The following NTN5 variants were observed in gnomAD, a reference collection of about 807,000 sequenced individuals.
NTN5 encodes netrin-5.
In NTN5, 42 loss-of-function variants were observed where a neutral mutation model predicts 38.7. That is an observed-to-expected ratio of 1.08 (90% CI 0.85 to 1.40). The LOEUF (loss-of-function observed/expected upper bound fraction) is 1.40, where lower values mean the gene tolerates loss of function less well. Among genes scored for constraint, NTN5 ranks in the 40% most tolerant of loss-of-function variants. The pLI is 0.00. For synonymous variants in NTN5, 329 were observed against 303.9 expected, an observed-to-expected ratio of 1.08 and a Z score of -0.86; for missense variants, 658 against 716.5, an observed-to-expected ratio of 0.92 and a Z score of 0.93.
chr19:48,672,769 G>A (rs547065015), intron 1 of NTN5, among the ~76,000 whole-genome samples, 163 bp downstream of exon 1: 1 of 152,204 alleles, frequency 6.6e-6, no homozygotes, highest in South Asian at 2.1e-4. Context: ...GGCCCACAGA[G>A]AGCCCATACC....
rs754482966 is a variant in NTN5, at chr19:48,670,614, A to C, written c.373T>G (p.Ser125Ala). The change falls in exon 2 of 7, where the codon TCC becomes GCC. Residue 125 changes from serine to alanine, a missense_variant. Transcript: ENST00000270235. The part of the protein sequence containing the change: ...LGGPERVTFH[S>A]TPGPKATVAA... ...ACAGTGGCCTTAGGACCTGGTGTGG[A>C]GTGGAAGGTCACCCTTTCAGGGCCC... The C allele has an allele frequency of 1.3e-6, 2 of 1,597,370 alleles. No homozygotes were observed. Among genetic ancestry groups the C allele is most frequent in the African/African-American group, 2.7e-5 (2 of 74,554 alleles).
intron 2 of NTN5, among the ~76,000 whole-genome samples, chr19:48,669,780 ACAC>A (rs2031876034): frequency 2.5e-5 from 1 of 40,106 alleles, no homozygotes; most frequent in South Asian, 9.2e-4. Flanking sequence ...CATCACCATC[ACAC>A]CACCACCATC....
In NTN5 at chr19:48,661,839, C is replaced by A; in HGVS notation, c.1308G>T (p.Val436=). Residue 436 remains valine, a synonymous_variant, in exon 7 of 7, where the codon GTG becomes GTT. Coordinates refer to ENST00000270235, the MANE Select transcript of NTN5 (RefSeq NM_145807.4). ...TGAGGCGCGTGGGGTCGGGGTCGCC[C>A]ACGGCGCTGCCCAGCAGCAGGTAGT... ...GTDYLLLGSA[V]GDPDPTRLIL... 7.5e-7 allele frequency: 1 copy of A among 1,333,800 alleles called. No homozygotes were observed. Among genetic ancestry groups the A allele is most frequent in the South Asian group, 1.7e-5 (1 of 59,320 alleles). 82.6% of individuals were successfully genotyped at this position (1,333,800 alleles called of 1,614,324 possible).
chr19:48,669,789 CCAT>C (rs2031877092), intron 2 of NTN5, among the ~76,000 whole-genome samples: 1 of 97,114 alleles, frequency 1.0e-5, no homozygotes, highest in South Asian at 4.0e-4. Context: ...CACACCACCA[CCAT>C]CACCATCACC....
chr19:48,664,762 A>T lies in NTN5; in HGVS notation c.637T>A (p.Ser213Thr). 6.4e-7 allele frequency: 1 copy of T among 1,553,882 alleles called. No homozygotes were observed. The part of the protein sequence containing the change: ...PRHPHPCLPC[S>T]CNQHARRCRF... The stretch of plus-strand genomic sequence containing the variant: ...CAGCGTCGGGCGTGCTGGTTGCAGG[A>T]GCAGGCTAGGAGCAAAATGGGGTGG... The change falls in exon 3 of 7, where the codon TCC becomes ACC. Residue 213 changes from serine to threonine, a missense_variant. Ser to Thr is a moderately conservative substitution (Grantham distance 58, BLOSUM62 1). Coordinates refer to ENST00000270235, the MANE Select transcript of NTN5 (RefSeq NM_145807.4).
At chr19:48,663,012 C>A (rs2031589206) in intron 6 of NTN5, 2 of 350,442 alleles carry the variant, frequency 5.7e-6, no homozygotes, top group Admixed American at 7.4e-5. Context: ...GGTCATAGAC[C>A]CCAAGGTCAT....
chr19:48,665,647 C>T lies in NTN5; in HGVS notation c.632-880G>A, dbSNP rs182744287. On this transcript the variant is annotated intron_variant, in intron 2 of 6. Coordinates refer to ENST00000270235, the MANE Select transcript of NTN5 (RefSeq NM_145807.4). ...ACCAGCCTGGCCAGCGTGGTGAAAC[C>T]GTCTCTACTAAAAATACAAAAATTA... Among the ~76,000 whole-genome samples, 73 of 152,018 alleles carry T rather than the reference C, an allele frequency of 4.8e-4. No homozygotes were observed. In the South Asian group the frequency reaches 5.8e-3, roughly 12 times the overall value.
At chr19:48,668,420 A>G (rs762418153) in intron 2 of NTN5, among the ~76,000 whole-genome samples, 1 of 152,148 alleles carries the variant, frequency 6.6e-6, no homozygotes, top group Admixed American at 6.5e-5. Context: ...ACTATCCCCA[A>G]TCTATGGTGG....
At chr19:48,668,663 G>A (rs1040147106) in intron 2 of NTN5, among the ~76,000 whole-genome samples, 5 of 152,182 alleles carry the variant, frequency 3.3e-5, no homozygotes, top group Admixed American at 6.5e-5. Flanking sequence ...CCTGCCACAC[G>A]CAGCCACTGT....
intron 3 of NTN5, 96 bp from the exon 4 acceptor site, chr19:48,664,388 G>A: frequency 6.8e-7 from 1 of 1,460,562 alleles, no homozygotes; most frequent in Non-Finnish European, 9.2e-7. Flanking sequence ...GGGAGTCCAG[G>A]CCCCCAGCCC....
Position 48,663,687 on chromosome 19 carries a change from C to T in NTN5, c.1024+74G>A, listed in dbSNP as rs1439020099. 4.6e-6 allele frequency: 7 copies of T among 1,535,968 alleles called. No homozygotes were observed. In the Admixed American group the frequency reaches 1.2e-4, roughly 26 times the overall value. ...GGGCTCAATGGGTGACCCATGTATC[C>T]CCATCTGGGGACCCAGTCAGCCCAT... is the stretch of plus-strand genomic sequence containing the variant. On this transcript the variant is annotated intron_variant, in intron 5 of 6. Coordinates refer to ENST00000270235, the MANE Select transcript of NTN5 (RefSeq NM_145807.4).
At position 48,670,473 on chromosome 19, in the gene NTN5, G is replaced by C; in HGVS notation, c.514C>G (p.Pro172Ala). Residue 172 changes from proline to alanine, a missense_variant, in exon 2 of 7, where the codon CCC becomes GCC. Pro to Ala is a conservative substitution (Grantham distance 27, BLOSUM62 -1). Coordinates refer to ENST00000270235, the MANE Select transcript of NTN5 (RefSeq NM_145807.4). ...HAARCAARARPPRCHCRHHTT... is the reference protein window; with the variant it reads ...HAARCAARARAPRCHCRHHTT... ...TGGTGGCGGCAGTGGCAGCGGGGGGGCCGGGCACGGGCGGCACAGCGGGCA... is the reference window on the plus strand; with the variant it reads ...TGGTGGCGGCAGTGGCAGCGGGGGGCCCGGGCACGGGCGGCACAGCGGGCA... 1.4e-5 allele frequency: 21 copies of C among 1,475,262 alleles called. No homozygotes were observed. In the South Asian group the frequency reaches 1.7e-4, roughly 12 times the overall value. The allele number at this position is 1,475,262 out of a possible 1,614,324, so 91.4% of individuals were successfully genotyped here.
chr19:48,662,996 G>A (rs1056455703), intron 6 of NTN5: 3 of 340,256 alleles, frequency 8.8e-6, no homozygotes, highest in Non-Finnish European at 1.7e-5. Flanking sequence ...GAGCTGAATA[G>A]CCTGAGGTCA....
chr19:48,669,745 C>T (rs1164528772), intron 2 of NTN5, among the ~76,000 whole-genome samples: 241 of 120,270 alleles, frequency 2.0e-3, no homozygotes, highest in South Asian at 3.8e-3. Context: ...ACCATCACCA[C>T]CACCATCACC....
intron 4 of NTN5, 63 bp from the exon 5 acceptor site, chr19:48,663,877 C>A: frequency 6.6e-7 from 1 of 1,520,410 alleles, no homozygotes; most frequent in South Asian, 1.1e-5. Flanking sequence ...TCGCCCCTGC[C>A]CCGGGAATCC....
In NTN5 at chr19:48,670,482, G is replaced by A. The variant is rs754174838; in HGVS notation, c.505C>T (p.Arg169Cys). The A allele has an allele frequency of 1.4e-5, 20 of 1,476,278 alleles. No homozygotes were observed. Among genetic ancestry groups the A allele is most frequent in the South Asian group, 2.8e-5 (2 of 71,848 alleles). 91.4% of individuals were successfully genotyped at this position (1,476,278 alleles called of 1,614,324 possible). A position where few individuals can be genotyped will look rare whatever the true frequency, so the allele number is the denominator to read the frequency against. ...CAGTGGCAGCGGGGGGGCCGGGCAC[G>A]GGCGGCACAGCGGGCAGCGTGGCCA... ...CHGHAARCAARARPPRCHCRH... is the reference protein window; with the variant it reads ...CHGHAARCAACARPPRCHCRH... The change falls in exon 2 of 7, where the codon CGT (arginine) becomes TGT (cysteine). Residue 169 changes from arginine to cysteine, a missense_variant. Arg to Cys is a radical substitution (Grantham distance 180, BLOSUM62 -3). Coordinates refer to ENST00000270235, the MANE Select transcript of NTN5 (RefSeq NM_145807.4).
Position 48,670,411 on chromosome 19 carries a change from G to T in NTN5, c.576C>A (p.Ser192=), listed in dbSNP as rs1225903215. ...CAGGCCGCCAGGGCCAGTCTCGATG[G>T]GACGGGCGGCAGCTCTCGCACCCCG... ...TGPGCESCRP[S]HRDWPWRPAT... The change falls in exon 2 of 7, where the codon TCC becomes TCA. Residue 192 remains serine (S), a synonymous_variant. Coordinates refer to ENST00000270235, the MANE Select transcript of NTN5 (RefSeq NM_145807.4). 1.4e-6 allele frequency: 2 copies of T among 1,440,996 alleles called. No homozygotes were observed. The highest frequency in any genetic ancestry group is 5.3e-5 in the East Asian group (2 of 37,910). The allele number at this position is 1,440,996 out of a possible 1,614,324, so 89.3% of individuals were successfully genotyped here.
At chr19:48,668,507 G>A (rs2031763483) in intron 2 of NTN5, among the ~76,000 whole-genome samples, 1 of 152,184 alleles carries the variant, frequency 6.6e-6, no homozygotes, top group African/African-American at 2.4e-5. Context: ...TGGGATTCAA[G>A]CCCAAATAGT....
intron 1 of NTN5, among the ~76,000 whole-genome samples, chr19:48,671,487 A>G (rs1427102255): frequency 1.3e-5 from 2 of 152,232 alleles, no homozygotes; most frequent in East Asian, 3.9e-4. Flanking sequence ...AAGTTGCTGC[A>G]AAGACAGAGG....
Sources: gnomAD v4.1 joint callset for allele counts (sites outside exome capture counted in the v4.1 genomes callset) on GRCh38, gnomAD v4.1.1 for gene constraint, MANE v1.5 for transcripts, NCBI Gene and HGNC (gene_info 2026-07-23, HGNC 2026-07-21) for gene names.